PRKCB: variants seen among roughly 807,000 people sequenced by gnomAD.
PRKCB encodes the protein protein kinase C beta.
PRKCB carries 13 observed loss-of-function variants against 81.5 expected under a neutral mutation model. That is an observed-to-expected ratio of 0.16 (90% confidence interval 0.10 to 0.25). PRKCB has a LOEUF of 0.25. Among genes scored for constraint, PRKCB ranks in the 10% least tolerant of loss-of-function variants. The pLI, the probability that PRKCB is intolerant of heterozygous loss-of-function variation, is 1.00. For synonymous variants in PRKCB, 335 were observed against 321.4 expected, an observed-to-expected ratio of 1.04 and a Z score of -0.45; for missense variants, 509 against 875.7, an observed-to-expected ratio of 0.58 and a Z score of 5.29.
intron 2 of PRKCB, among the ~76,000 whole-genome samples, chr16:23,937,507 A>G (rs893081779): frequency 5.3e-5 from 8 of 152,224 alleles, no homozygotes; most frequent in South Asian, 2.1e-4. Flanking sequence ...TCAAATGCCC[A>G]TAGAATAGGA....
intron 2 of PRKCB, among the ~76,000 whole-genome samples, chr16:23,862,573 A>T (rs1193772156): frequency 6.6e-6 from 1 of 152,016 alleles, no homozygotes; most frequent in East Asian, 1.9e-4. Context: ...TCTTTTGTTC[A>T]CTTTCGAGTA....
chr16:24,105,657 G>A (rs937877478), intron 7 of PRKCB, among the ~76,000 whole-genome samples: 4 of 152,158 alleles, frequency 2.6e-5, no homozygotes, highest in Admixed American at 2.6e-4. Flanking sequence ...TTAGTTTGCT[G>A]AGAATGATGG....
chr16:23,954,464 A>C (rs1202892825), intron 2 of PRKCB, among the ~76,000 whole-genome samples: 1 of 152,228 alleles, frequency 6.6e-6, no homozygotes, highest in Non-Finnish European at 1.5e-5. Context: ...CCTTCTATCA[A>C]GAGCCATGGC....
In PRKCB at chr16:24,216,943, C is replaced by T; in HGVS notation, c.*2127C>T. On this transcript the variant is annotated 3_prime_UTR_variant, in exon 17 of 17. Coordinates refer to ENST00000643927, the MANE Select transcript of PRKCB (RefSeq NM_002738.7). Reference sequence around the variant, plus strand: ...AGCAGACATCTCTGAGCCAGGCCCACCAACAGGCCCTTATCTGGTGGTTGG... The same window carrying T: ...AGCAGACATCTCTGAGCCAGGCCCATCAACAGGCCCTTATCTGGTGGTTGG... 1 of 985,402 alleles carries T rather than the reference C, an allele frequency of 1.0e-6. No homozygotes were observed. The highest frequency in any genetic ancestry group is 1.2e-6 in the Non-Finnish European group (1 of 829,928). The allele number at this position is 985,402 out of a possible 1,614,324, so 61.0% of individuals were successfully genotyped here.
At chr16:24,197,426 G>T (rs1967895780) in intron 16 of PRKCB, among the ~76,000 whole-genome samples, 1 of 152,110 alleles carries the variant, frequency 6.6e-6, no homozygotes, top group African/African-American at 2.4e-5. Flanking sequence ...AGGCCCTGAG[G>T]CAGGAGCTTG....
chr16:24,135,602 C>T (rs1218782138), intron 9 of PRKCB, among the ~76,000 whole-genome samples: 1 of 152,066 alleles, frequency 6.6e-6, no homozygotes, highest in Non-Finnish European at 1.5e-5. Flanking sequence ...CTTGAGCCAC[C>T]ACACCTGGCC....
At chr16:24,063,612 G>A (rs960411120) in intron 5 of PRKCB, among the ~76,000 whole-genome samples, 1 of 152,044 alleles carries the variant, frequency 6.6e-6, no homozygotes, top group Non-Finnish European at 1.5e-5. Flanking sequence ...TACTTTCACT[G>A]GGTTCCATTT....
intron 3 of PRKCB, among the ~76,000 whole-genome samples, chr16:24,019,541 A>G (rs533776298): frequency 6.6e-6 from 1 of 152,296 alleles, no homozygotes; most frequent in African/African-American, 2.4e-5. Context: ...AAGCAGGCGG[A>G]CCACTTGAGC....
chr16:24,120,469 G>T (rs1265001054), intron 8 of PRKCB, among the ~76,000 whole-genome samples: 1 of 152,180 alleles, frequency 6.6e-6, no homozygotes, highest in Non-Finnish European at 1.5e-5. Context: ...CTGCTGTGGG[G>T]AAGAGGGGAT....
At chr16:23,944,015 G>C (rs1329291089) in intron 2 of PRKCB, among the ~76,000 whole-genome samples, 1 of 152,146 alleles carries the variant, frequency 6.6e-6, no homozygotes, top group Non-Finnish European at 1.5e-5. Context: ...GTTTGGTCTG[G>C]TTTCAATTCT....
chr16:24,116,267 C>T (rs527320640), intron 8 of PRKCB, among the ~76,000 whole-genome samples: 20 of 152,118 alleles, frequency 1.3e-4, no homozygotes, highest in African/African-American at 3.1e-4. Flanking sequence ...ATAGAAATAG[C>T]GCTTAGGGGC....
intron 12 of PRKCB, among the ~76,000 whole-genome samples, chr16:24,179,713 T>A (rs1967589394): frequency 6.6e-6 from 1 of 152,156 alleles, no homozygotes; most frequent in South Asian, 2.1e-4. Flanking sequence ...CTTAGACAGG[T>A]CTTTTCTGAC....
intron 2 of PRKCB, among the ~76,000 whole-genome samples, chr16:23,866,968 CCCTTCCTTCCCTTCCTTCCCTT>C (rs1962801760): frequency 2.2e-5 from 2 of 91,330 alleles, no homozygotes; most frequent in South Asian, 4.7e-4. Flanking sequence ...TCCCTTCCTT[CCCTTCCTTCCCTTCCTTCCCTT>C]CCTTCCCTTC....
intron 16 of PRKCB, chr16:24,208,529 T>C (rs1019041625): frequency 1.3e-5 from 2 of 152,222 alleles, no homozygotes; most frequent in Non-Finnish European, 2.9e-5. Context: ...GCTTGTGGTT[T>C]AAATAACCCA....
chr16:24,084,181 G>T (rs1450297782), intron 5 of PRKCB, among the ~76,000 whole-genome samples: 1 of 152,134 alleles, frequency 6.6e-6, no homozygotes, highest in Non-Finnish European at 1.5e-5. Context: ...AATGACAGAT[G>T]TAGAGAACAA....
chr16:24,016,313 G>A (rs1395764725), intron 3 of PRKCB, among the ~76,000 whole-genome samples: 1 of 152,132 alleles, frequency 6.6e-6, no homozygotes, highest in East Asian at 1.9e-4. Context: ...CATGGTGAAA[G>A]CTAGAAATAC....
At chr16:24,125,449 C>G (rs549125438) in intron 9 of PRKCB, among the ~76,000 whole-genome samples, 1 of 152,328 alleles carries the variant, frequency 6.6e-6, no homozygotes, top group Non-Finnish European at 1.5e-5. Context: ...TGTGATTCAG[C>G]TCCTTTTGCT....
chr16:23,914,825 T>C (rs1215016677), intron 2 of PRKCB, among the ~76,000 whole-genome samples: 1 of 152,194 alleles, frequency 6.6e-6, no homozygotes, highest in African/African-American at 2.4e-5. Flanking sequence ...AGCTCTGCAG[T>C]GGACTGTACT....
intron 2 of PRKCB, among the ~76,000 whole-genome samples, chr16:23,870,990 T>G (rs1479382856): frequency 6.6e-6 from 1 of 152,212 alleles, no homozygotes; most frequent in African/African-American, 2.4e-5. Context: ...CCCGTGGGTC[T>G]CCTTTTCCAG....
Sources: allele counts gnomAD v4.1 joint callset (sites outside exome capture counted in the v4.1 genomes callset), GRCh38; gene constraint gnomAD v4.1.1; transcripts MANE v1.5; gene names NCBI Gene and HGNC (gene_info 2026-07-23, HGNC 2026-07-21).